DSCAM: variants seen among roughly 807,000 people sequenced by gnomAD.
DSCAM encodes DS cell adhesion molecule.
Under a neutral mutation model 217.7 loss-of-function variants are expected in DSCAM, and 47 were observed. The observed-to-expected ratio is 0.22, with a 90% CI of 0.17 to 0.28. DSCAM has a LOEUF of 0.28. DSCAM is among the 10% of genes least tolerant of loss of function. The pLI, the probability that DSCAM is intolerant of heterozygous loss-of-function variation, is 1.00. For synonymous variants in DSCAM, 1,056 were observed against 1,015.3 expected (o/e 1.04, Z -0.76); for missense variants, 2,080 against 2,618.3 (o/e 0.79, Z 4.49).
At chr21:40,134,125 C>T (rs1426126056) in intron 18 of DSCAM, 116 bp from the exon 19 acceptor site, 1 of 1,327,064 alleles carries the variant, frequency 7.5e-7, no homozygotes, top group African/African-American at 1.5e-5. Context: ...CAGCCATCAT[C>T]TGGACACGAG....
chr21:40,572,298 T>C (rs2076814416), intron 3 of DSCAM, among the ~76,000 whole-genome samples: 1 of 152,142 alleles, frequency 6.6e-6, no homozygotes, highest in South Asian at 2.1e-4. Context: ...TAAGTATACA[T>C]ACTGTAATTT....
chr21:40,329,044 AGC>A (rs1335680002), intron 8 of DSCAM, among the ~76,000 whole-genome samples: 1 of 152,258 alleles, frequency 6.6e-6, no homozygotes, highest in Non-Finnish European at 1.5e-5. Context: ...AGAAAAGAGA[AGC>A]TTTGTACTGT....
Position 40,042,410 on chromosome 21 carries a change from T to C in DSCAM, c.5647A>G (p.Arg1883Gly). 1 of 1,614,176 alleles carries C rather than the reference T, an allele frequency of 6.2e-7. No homozygotes were observed. The highest frequency in any genetic ancestry group is 8.5e-7 in the Non-Finnish European group (1 of 1,180,012). The change falls in exon 32 of 33, where the codon AGA (arginine) becomes GGA (glycine). Residue 1883 changes from arginine to glycine, a missense_variant. By Grantham distance (125) the Arg-to-Gly change is moderately radical (BLOSUM62 -2). Transcript: ENST00000400454. Reference sequence around the variant, plus strand: ...TTTGGAACTGCCATATTCATTACTCTTCCTCCATCCTGAGGTTTGGGGGGA... The same window carrying C: ...TTTGGAACTGCCATATTCATTACTCCTCCTCCATCCTGAGGTTTGGGGGGA... Reference protein sequence around the residue: ...ASPPKPQDGGRVMNMAVPKAH... With the variant: ...ASPPKPQDGGGVMNMAVPKAH...
chr21:40,307,175 A>G (rs2074087114), intron 9 of DSCAM, among the ~76,000 whole-genome samples: 1 of 151,924 alleles, frequency 6.6e-6, no homozygotes, highest in Admixed American at 6.6e-5. Context: ...AATTTTCGCA[A>G]CCTACTCATC....
chr21:40,144,791 A>C lies in DSCAM; in HGVS notation c.3019-60T>G. On this transcript the variant is annotated intron_variant, in intron 16 of 32. Coordinates refer to ENST00000400454, the MANE Select transcript of DSCAM (RefSeq NM_001389.5). This position sits in a 1 kb window ranked among gnomAD's most constrained non-coding sequence, Gnocchi z 4.8. Reference sequence around the variant, plus strand: ...CTTGAGGTAGGACAAGAGCGAAATCAACGCCCACACCCACGTAGGAAAGCA... The same window carrying C: ...CTTGAGGTAGGACAAGAGCGAAATCCACGCCCACACCCACGTAGGAAAGCA... 1 of 1,603,660 alleles carries C rather than the reference A, an allele frequency of 6.2e-7. No homozygotes were observed. Among genetic ancestry groups the C allele is most frequent in the Non-Finnish European group, 8.5e-7 (1 of 1,175,096 alleles).
At chr21:40,472,177 A>T (rs1358280818) in intron 3 of DSCAM, among the ~76,000 whole-genome samples, 1 of 152,218 alleles carries the variant, frequency 6.6e-6, no homozygotes, top group African/African-American at 2.4e-5. Flanking sequence ...TCTTTGTGGC[A>T]GTTTTAGTTC....
intron 18 of DSCAM, among the ~76,000 whole-genome samples, chr21:40,141,039 T>C (rs894638780): frequency 4.7e-5 from 7 of 149,424 alleles, no homozygotes; most frequent in Non-Finnish European, 1.0e-4. Flanking sequence ...AAACACATGT[T>C]AGGGACACAG....
intron 21 of DSCAM, 97 bp downstream of exon 21, chr21:40,093,624 G>C (rs1200286692): frequency 4.2e-6 from 6 of 1,416,204 alleles, no homozygotes; most frequent in Middle Eastern, 1.8e-4. Flanking sequence ...TGGTTTATTT[G>C]ATTTTTAGGA....
chr21:40,811,641 G>T (rs970009441), intron 1 of DSCAM, among the ~76,000 whole-genome samples: 2 of 152,226 alleles, frequency 1.3e-5, no homozygotes, highest in East Asian at 1.9e-4. Flanking sequence ...ACAGAACAAA[G>T]GCTGATGCAG....
intron 3 of DSCAM, among the ~76,000 whole-genome samples, chr21:40,432,720 A>T (rs1432426992): frequency 1.3e-5 from 2 of 152,220 alleles, no homozygotes. Flanking sequence ...AAAGGAAAAA[A>T]GTAGTCAGTG....
At chr21:40,295,992 A>T in intron 10 of DSCAM, 63 bp downstream of exon 10, 1 of 1,555,584 alleles carries the variant, frequency 6.4e-7, no homozygotes, top group South Asian at 1.2e-5. Flanking sequence ...AGAAATGCTT[A>T]TCTAATCCTT....
At chr21:40,165,278 G>A (rs539648985) in intron 16 of DSCAM, among the ~76,000 whole-genome samples, 1 of 152,204 alleles carries the variant, frequency 6.6e-6, no homozygotes, top group African/African-American at 2.4e-5. Flanking sequence ...AAGATTTCGT[G>A]TAATAGTGTC....
intron 3 of DSCAM, among the ~76,000 whole-genome samples, chr21:40,456,357 C>CTTATGAAACTTATGGG (rs1251023692): frequency 2.0e-5 from 3 of 151,946 alleles, no homozygotes; most frequent in African/African-American, 7.2e-5. Context: ...GATTTTCTCA[C>CTTATGAAACTTATGGG]AGTAACAGTC....
chr21:40,172,140 A>C (rs1029482829), intron 15 of DSCAM, among the ~76,000 whole-genome samples: 2 of 152,206 alleles, frequency 1.3e-5, no homozygotes, highest in African/African-American at 4.8e-5. Flanking sequence ...GCAGTGGTAC[A>C]TGCCCATAAT....
chr21:40,461,136 G>A lies in DSCAM; in HGVS notation c.509-91891C>T, dbSNP rs1012845. Among the ~76,000 whole-genome samples, 414 of 149,076 alleles carry A rather than the reference G, an allele frequency of 2.8e-3. 1 individual carries two copies. Among genetic ancestry groups the A allele is most frequent in the African/African-American group, 9.8e-3 (398 of 40,608 alleles). ...GCTGTTTAAAAGAAAGAAAAAACAT[G>A]AATGAAGTATTATTCACATAGGCAT... On this transcript the variant is annotated intron_variant, in intron 3 of 32. Coordinates refer to ENST00000400454, the MANE Select transcript of DSCAM (RefSeq NM_001389.5).
intron 1 of DSCAM, among the ~76,000 whole-genome samples, chr21:40,787,312 C>T (rs772070699): frequency 5.3e-5 from 8 of 152,194 alleles, no homozygotes; most frequent in Non-Finnish European, 1.2e-4. Context: ...TGTGTCCTAA[C>T]TGGCATGCCA....
chr21:40,562,902 A>G (rs2076731551), intron 3 of DSCAM, among the ~76,000 whole-genome samples: 1 of 152,240 alleles, frequency 6.6e-6, no homozygotes, highest in South Asian at 2.1e-4. Flanking sequence ...CCTGCACGAC[A>G]TGCACTAAAA....
intron 1 of DSCAM, among the ~76,000 whole-genome samples, chr21:40,800,169 A>G (rs913589102): frequency 6.6e-6 from 1 of 152,226 alleles, no homozygotes; most frequent in Non-Finnish European, 1.5e-5. Flanking sequence ...AGGACCTTTC[A>G]ACAAAATGCA....
chr21:40,419,194 G>A (rs2075400127), intron 3 of DSCAM, among the ~76,000 whole-genome samples: 1 of 150,666 alleles, frequency 6.6e-6, no homozygotes, highest in Non-Finnish European at 1.5e-5. Context: ...TGTTAGCCAG[G>A]ATGGTCTCCA....
Sources: allele counts gnomAD v4.1 joint callset (sites outside exome capture counted in the v4.1 genomes callset), GRCh38; gene constraint gnomAD v4.1.1; non-coding constraint Gnocchi (gnomAD v3.1); transcripts MANE v1.5; gene names NCBI Gene and HGNC (gene_info 2026-07-23, HGNC 2026-07-21).